The following WNT1 variants were observed in gnomAD, a reference collection of about 807,000 sequenced individuals.
WNT1 encodes proto-oncogene Wnt-1.
A neutral mutation model predicts 21.3 loss-of-function variants in WNT1; 10 were observed. That is an observed-to-expected ratio of 0.47 (90% CI 0.29 to 0.80). The LOEUF (loss-of-function observed/expected upper bound fraction) is 0.80, where lower values mean the gene tolerates loss of function less well. Ranked by LOEUF, WNT1 falls within the 30% of genes least tolerant of loss-of-function variation. The probability of loss-of-function intolerance (pLI) is 0.09; values close to 1 mark genes in which losing one functional copy is unlikely to be tolerated. For synonymous variants in WNT1, 208 were observed against 236.3 expected, an observed-to-expected ratio of 0.88 and a Z score of 1.10; for missense variants, 476 against 534.1, an observed-to-expected ratio of 0.89 and a Z score of 1.07.
At position 48,981,363 on chromosome 12, in the gene WNT1, C is replaced by A. The variant is rs959168760; in HGVS notation, c.836C>A (p.Pro279Gln). Residue 279 changes from proline (P) to glutamine (Q), a missense_variant, in exon 4 of 4, where the codon CCG becomes CAG. Transcript: ENST00000293549. This position sits in a 1 kb window ranked among gnomAD's most constrained non-coding sequence, Gnocchi z 7.4. ...CTGCTGCGCCTGGAGCCGGAAGACC[C>A]GGCCCACAAACCGCCCTCCCCCCAC... Reference protein sequence around the residue: ...AELLRLEPEDPAHKPPSPHDL... With the variant: ...AELLRLEPEDQAHKPPSPHDL... The A allele has an allele frequency of 6.4e-7, 1 of 1,571,000 alleles. No homozygotes were observed. Among genetic ancestry groups the A allele is most frequent in the East Asian group, 2.4e-5 (1 of 42,112 alleles).
chr12:48,978,722 A>C lies in WNT1; in HGVS notation c.72A>C (p.Ala24=). ...TLLLALAALP[A]ALAANSSGRW... The stretch of plus-strand genomic sequence containing the variant: ...TGCTGGCGCTGGCCGCTCTGCCCGC[A>C]GCCCTGGCTGCCAACAGCAGTGGCC... The change falls in exon 1 of 4, where the codon GCA becomes GCC. Residue 24 remains alanine (A), a synonymous_variant. Transcript: ENST00000293549. This position sits in a 1 kb window ranked among gnomAD's most constrained non-coding sequence, Gnocchi z 7.4. 1 of 1,603,612 alleles carries C rather than the reference A, an allele frequency of 6.2e-7. No homozygotes were observed. The highest frequency in any genetic ancestry group is 8.5e-7 in the Non-Finnish European group (1 of 1,178,410).
Position 48,981,613 on chromosome 12 carries a change from C to A in WNT1, c.1086C>A (p.His362Gln), listed in dbSNP as rs1260042924. Residue 362 changes from histidine (H) to glutamine (Q), a missense_variant, in exon 4 of 4, where the codon CAC (histidine) becomes CAA (glutamine). By Grantham distance (24) the His-to-Gln change is conservative. Coordinates refer to ENST00000293549, the MANE Select transcript of WNT1 (RefSeq NM_005430.4). This position sits in a 1 kb window ranked among gnomAD's most constrained non-coding sequence, Gnocchi z 7.4. ...CCHVSCRNCT[H>Q]TRVLHECL ...ACGTCAGCTGCCGCAACTGCACGCA[C>A]ACGCGCGTACTGCACGAGTGTCTGT... 4.7e-6 allele frequency: 7 copies of A among 1,479,460 alleles called. No homozygotes were observed. The South Asian group carries it at 8.1e-5, about 17-fold the overall frequency. The allele number at this position is 1,479,460 out of a possible 1,614,324, so 91.6% of individuals were successfully genotyped here.
chr12:48,978,831 C>G lies in WNT1; in HGVS notation c.104+77C>G, dbSNP rs1940970949. On this transcript the variant is annotated intron_variant, in intron 1 of 3. Transcript: ENST00000293549. The surrounding 1 kb of genome is among the most constrained non-coding windows in gnomAD (Gnocchi z 7.4). The stretch of plus-strand genomic sequence containing the variant: ...GCCAACCCTACCCAGCTCCCACGCT[C>G]TGGGATCCGTCTGCCGACAGGCTCC... 9.7e-7 allele frequency: 1 copy of G among 1,029,740 alleles called. No homozygotes were observed. Among genetic ancestry groups the G allele is most frequent in the Admixed American group, 2.7e-5 (1 of 37,104 alleles). The allele number at this position is 1,029,740 out of a possible 1,614,324, so 63.8% of individuals were successfully genotyped here. A position where few individuals can be genotyped will look rare whatever the true frequency, so the allele number is the denominator to read the frequency against.
chr12:48,980,820 CGAAGACG>C lies in WNT1; in HGVS notation c.624+134_624+140del. ...TCCTGGGAGAGCCGGAGGCTTGGAA[CGAAGACG>C]GAGAATAGAGGAGACAGTGGCTGAG... is the stretch of plus-strand genomic sequence containing the variant. On this transcript the variant is annotated intron_variant, in intron 3 of 3. Coordinates refer to ENST00000293549, the MANE Select transcript of WNT1 (RefSeq NM_005430.4). This position sits in a 1 kb window ranked among gnomAD's most constrained non-coding sequence, Gnocchi z 7.0. 7.1e-7 allele frequency: 1 copy of C among 1,404,574 alleles called. No individual in the cohort carries two copies. The highest frequency in any genetic ancestry group is 9.4e-7 in the Non-Finnish European group (1 of 1,067,320). The allele number at this position is 1,404,574 out of a possible 1,614,324, so 87.0% of individuals were successfully genotyped here. A position where few individuals can be genotyped will look rare whatever the true frequency, so the allele number is the denominator to read the frequency against.
In WNT1 at chr12:48,979,743, G is replaced by A; in HGVS notation, c.358+22G>A. 1 of 1,562,102 alleles carries A rather than the reference G, an allele frequency of 6.4e-7. No homozygotes were observed. Among genetic ancestry groups the A allele is most frequent in the Non-Finnish European group, 8.7e-7 (1 of 1,151,780 alleles). On this transcript the variant is annotated intron_variant, in intron 2 of 3. Transcript: ENST00000293549. The surrounding 1 kb of genome is among the most constrained non-coding windows in gnomAD (Gnocchi z 6.0). ...CGAGGTGGGTGCCCAGGAAGGCGAC[G>A]CTTCCGGGAGCAGGGGAAACGCGGG...
Position 48,978,334 on chromosome 12 carries a change from A to G in WNT1, c.-317A>G. 1 of 363,324 alleles carries G rather than the reference A, an allele frequency of 2.8e-6. No individual in the cohort carries two copies. Among genetic ancestry groups the G allele is most frequent in the Non-Finnish European group, 5.1e-6 (1 of 197,388 alleles). 22.5% of individuals were successfully genotyped at this position (363,324 alleles called of 1,614,324 possible). On this transcript the variant is annotated 5_prime_UTR_variant, in exon 1 of 4. Transcript: ENST00000293549. This position sits in a 1 kb window ranked among gnomAD's most constrained non-coding sequence, Gnocchi z 7.4. ...CAGCTCTCGGCTCAGACGGGCGGGA[A>G]CCACAGCCCCGCTCGCTGCCCATTG... is the stretch of plus-strand genomic sequence containing the variant.
At position 48,980,205 on chromosome 12, in the gene WNT1, T is replaced by C. The variant is rs1436700127; in HGVS notation, c.359-219T>C. ...TATCGAGCCAAAATGCGCCCTAGAA[T>C]CTCCCAGTAAGGTGTGATTACGCCC... On this transcript the variant is annotated intron_variant, in intron 2 of 3. Transcript: ENST00000293549. This position sits in a 1 kb window ranked among gnomAD's most constrained non-coding sequence, Gnocchi z 7.0. Among the ~76,000 whole-genome samples, 1 of 152,226 alleles carries C rather than the reference T, an allele frequency of 6.6e-6. No homozygotes were observed. The highest frequency in any genetic ancestry group is 1.5e-5 in the Non-Finnish European group (1 of 68,038).
In WNT1 at chr12:48,980,403, C is replaced by A. The variant is rs772104478; in HGVS notation, c.359-21C>A. 5.0e-6 allele frequency: 8 copies of A among 1,613,928 alleles called. No homozygotes were observed. The highest frequency in any genetic ancestry group is 1.3e-5 in the African/African-American group (1 of 74,938). On this transcript the variant is annotated intron_variant, in intron 2 of 3. Transcript: ENST00000293549. The surrounding 1 kb of genome is among the most constrained non-coding windows in gnomAD (Gnocchi z 7.0). ...GCGCCCCGCGTACCCCCTCGCTGAT[C>A]CCCGCTCCCTTCTCCCACAGGCTGT...
Position 48,978,562 on chromosome 12 carries a change from G to C in WNT1, c.-89G>C. On this transcript the variant is annotated 5_prime_UTR_variant, in exon 1 of 4. Coordinates refer to ENST00000293549, the MANE Select transcript of WNT1 (RefSeq NM_005430.4). This position sits in a 1 kb window ranked among gnomAD's most constrained non-coding sequence, Gnocchi z 7.4. ...AGCCAGACTGCGAACTCTCGCCACT[G>C]CCGCCACCGCCGCGTCCCGTCCCAC... 1 of 962,892 alleles carries C rather than the reference G, an allele frequency of 1.0e-6. No homozygotes were observed. Among genetic ancestry groups the C allele is most frequent in the Admixed American group, 2.0e-5 (1 of 48,850 alleles). The allele number at this position is 962,892 out of a possible 1,614,324, so 59.6% of individuals were successfully genotyped here.
rs768573697 is a variant in WNT1 at position 48,980,637 on chromosome 12, G to C, written c.572G>C (p.Gly191Ala). The C allele has an allele frequency of 5.6e-6, 9 of 1,593,306 alleles. No individual in the cohort carries two copies. Among genetic ancestry groups the C allele is most frequent in the Non-Finnish European group, 7.7e-6 (9 of 1,169,928 alleles). ...GREFVDSGEKGRDLRFLMNLH... is the reference protein window; with the variant it reads ...GREFVDSGEKARDLRFLMNLH... ...GAGTTCGTGGACTCCGGGGAGAAGG[G>C]GCGGGACCTGCGCTTCCTCATGAAC... Residue 191 changes from glycine (G) to alanine (A), a missense_variant, in exon 3 of 4, where the codon GGG becomes GCG. Coordinates refer to ENST00000293549, the MANE Select transcript of WNT1 (RefSeq NM_005430.4). This position sits in a 1 kb window ranked among gnomAD's most constrained non-coding sequence, Gnocchi z 7.0.
chr12:48,978,784 G>C lies in WNT1; in HGVS notation c.104+30G>C, dbSNP rs1407925518. The C allele has an allele frequency of 6.6e-7, 1 of 1,507,576 alleles. No individual in the cohort carries two copies. Among genetic ancestry groups the C allele is most frequent in the Non-Finnish European group, 9.0e-7 (1 of 1,107,530 alleles). The allele number at this position is 1,507,576 out of a possible 1,614,324, so 93.4% of individuals were successfully genotyped here. A position where few individuals can be genotyped will look rare whatever the true frequency, so the allele number is the denominator to read the frequency against. On this transcript the variant is annotated intron_variant, in intron 1 of 3. Coordinates refer to ENST00000293549, the MANE Select transcript of WNT1 (RefSeq NM_005430.4). The surrounding 1 kb of genome is among the most constrained non-coding windows in gnomAD (Gnocchi z 7.4). ...GTGAGCTGGTGCGGGGTCGCCACTTGTCCCGCGGCACAGAGCCAGGGGCCA... is the reference window on the plus strand; with the variant it reads ...GTGAGCTGGTGCGGGGTCGCCACTTCTCCCGCGGCACAGAGCCAGGGGCCA...
In WNT1 at chr12:48,980,711, A is replaced by C. The variant is rs991228797; in HGVS notation, c.624+22A>C. The C allele has an allele frequency of 1.1e-5, 16 of 1,514,728 alleles. No individual in the cohort carries two copies. The highest frequency in any genetic ancestry group is 1.4e-5 in the Non-Finnish European group (16 of 1,133,196). The allele number at this position is 1,514,728 out of a possible 1,614,324, so 93.8% of individuals were successfully genotyped here. A position where few individuals can be genotyped will look rare whatever the true frequency, so the allele number is the denominator to read the frequency against. On this transcript the variant is annotated intron_variant, in intron 3 of 3. Transcript: ENST00000293549. The surrounding 1 kb of genome is among the most constrained non-coding windows in gnomAD (Gnocchi z 7.0). ...TACGGTGAGCTTTGAGAGGCTCCGC[A>C]CCCTAAGCGGAGCGGCAGGGGCCAA...
Position 48,982,432 on chromosome 12 carries a change from C to A in WNT1, c.*792C>A, listed in dbSNP as rs1941029809. ...TGCAAAGACCACCTCCAACCCAACC[C>A]AATCCCTCTCCACTCTTCTCTCCTT... On this transcript the variant is annotated 3_prime_UTR_variant, in exon 4 of 4. Transcript: ENST00000293549. Among the ~76,000 whole-genome samples the A allele has an allele frequency of 6.6e-6, 1 of 152,176 alleles. No homozygotes were observed. Among genetic ancestry groups the A allele is most frequent in the Non-Finnish European group, 1.5e-5 (1 of 68,044 alleles).
Position 48,981,635 on chromosome 12 carries a change from CTG to C in WNT1, c.1111_1112del (p.Ter371ArgfsTer97). 6.9e-7 allele frequency: 1 copy of C among 1,443,038 alleles called. No homozygotes were observed. 89.4% of individuals were successfully genotyped at this position (1,443,038 alleles called of 1,614,324 possible). Reference protein sequence around the residue: ...CTHTRVLHECL With the variant: ...CTHTRVLHECX The stretch of plus-strand genomic sequence containing the variant: ...GCACACGCGCGTACTGCACGAGTGT[CTG>C]TGAGGCGCTGCGCGGACTCGCCCCC... On this transcript the variant is annotated frameshift_variant, in exon 4 of 4. Transcript: ENST00000293549. LOFTEE classifies it high-confidence loss of function. This position sits in a 1 kb window ranked among gnomAD's most constrained non-coding sequence, Gnocchi z 7.4.
chr12:48,980,749 G>A lies in WNT1; in HGVS notation c.624+60G>A. ...CGGCAGGGGCCAACCTCGGGCTGGG[G>A]AAGTGACGGTCGGTGAGATAAGGCA... On this transcript the variant is annotated intron_variant, in intron 3 of 3. Transcript: ENST00000293549. The surrounding 1 kb of genome is among the most constrained non-coding windows in gnomAD (Gnocchi z 7.0). 1 of 1,480,902 alleles carries A rather than the reference G, an allele frequency of 6.8e-7. No homozygotes were observed. Among genetic ancestry groups the A allele is most frequent in the Non-Finnish European group, 9.0e-7 (1 of 1,116,338 alleles). The allele number at this position is 1,480,902 out of a possible 1,614,324, so 91.7% of individuals were successfully genotyped here.
Position 48,980,687 on chromosome 12 carries a change from A to T in WNT1, c.622A>T (p.Thr208Ser), listed in dbSNP as rs760102208. 23 of 1,544,826 alleles carry T rather than the reference A, an allele frequency of 1.5e-5. No individual in the cohort carries two copies. Among genetic ancestry groups the T allele is most frequent in the Non-Finnish European group, 1.6e-5 (18 of 1,146,748 alleles). The change falls in exon 3 of 4, where the codon ACG becomes TCG. Residue 208 changes from threonine (T) to serine (S), a missense_variant and splice_region_variant. Thr to Ser is a moderately conservative substitution (Grantham distance 58). Coordinates refer to ENST00000293549, the MANE Select transcript of WNT1 (RefSeq NM_005430.4). This position sits in a 1 kb window ranked among gnomAD's most constrained non-coding sequence, Gnocchi z 7.0. ...CCTTCACAACAACGAGGCAGGCCGT[A>T]CGGTGAGCTTTGAGAGGCTCCGCAC... ...MNLHNNEAGR[T>S]TVFSEMRQEC...
Position 48,979,711 on chromosome 12 carries a change from C to A in WNT1, c.348C>A (p.Ile116=), listed in dbSNP as rs199549912. 1.3e-6 allele frequency: 2 copies of A among 1,590,488 alleles called. No homozygotes were observed. Among genetic ancestry groups the A allele is most frequent in the Non-Finnish European group, 8.6e-7 (1 of 1,163,528 alleles). The change falls in exon 2 of 4, where the codon ATC becomes ATA. Residue 116 remains isoleucine, a synonymous_variant. Coordinates refer to ENST00000293549, the MANE Select transcript of WNT1 (RefSeq NM_005430.4). The surrounding 1 kb of genome is among the most constrained non-coding windows in gnomAD (Gnocchi z 6.0). ...CAGGGCCCCACCTCTTCGGCAAGAT[C>A]GTCAACCGAGGTGGGTGCCCAGGAA... ...TAPGPHLFGK[I]VNRGCRETAF...
Position 48,978,612 on chromosome 12 carries a change from C to T in WNT1, c.-39C>T. On this transcript the variant is annotated 5_prime_UTR_variant, in exon 1 of 4. Transcript: ENST00000293549. The surrounding 1 kb of genome is among the most constrained non-coding windows in gnomAD (Gnocchi z 7.4). ...CCGTCGCGGGCAACAACCAAAGTCGCCGCAACTGCAGCACAGAGCGGGCAA... is the reference window on the plus strand; with the variant it reads ...CCGTCGCGGGCAACAACCAAAGTCGTCGCAACTGCAGCACAGAGCGGGCAA... 1 of 1,482,518 alleles carries T rather than the reference C, an allele frequency of 6.7e-7. No individual in the cohort carries two copies. Among genetic ancestry groups the T allele is most frequent in the Non-Finnish European group, 9.2e-7 (1 of 1,092,634 alleles). The allele number at this position is 1,482,518 out of a possible 1,614,324, so 91.8% of individuals were successfully genotyped here.
At position 48,979,458 on chromosome 12, in the gene WNT1, G is replaced by A. The variant is rs764154512; in HGVS notation, c.105-10G>A. 1 of 1,594,974 alleles carries A rather than the reference G, an allele frequency of 6.3e-7. No individual in the cohort carries two copies. Among genetic ancestry groups the A allele is most frequent in the South Asian group, 1.1e-5 (1 of 90,662 alleles). On this transcript the variant is annotated splice_polypyrimidine_tract_variant and intron_variant, in intron 1 of 3. Transcript: ENST00000293549. This position sits in a 1 kb window ranked among gnomAD's most constrained non-coding sequence, Gnocchi z 6.0. ...CCTTCCTGAGCCTGAGCTATCATACGTCCCACCAGGGGTATTGTGAACGTA... is the reference window on the plus strand; with the variant it reads ...CCTTCCTGAGCCTGAGCTATCATACATCCCACCAGGGGTATTGTGAACGTA...
Sources: gnomAD v4.1 joint callset for allele counts (sites outside exome capture counted in the v4.1 genomes callset) on GRCh38, gnomAD v4.1.1 for gene constraint, Gnocchi (gnomAD v3.1) non-coding constraint, MANE v1.5 for transcripts, NCBI Gene and HGNC (gene_info 2026-07-23, HGNC 2026-07-21) for gene names.